TXNDC5: variants seen among roughly 807,000 people sequenced by gnomAD.
TXNDC5 encodes the protein thioredoxin domain containing 5.
A neutral mutation model predicts 52.6 loss-of-function variants in TXNDC5; 44 were observed. The ratio of observed to expected loss-of-function variants is 0.84; its 90% CI spans 0.66 to 1.08. The LOEUF (loss-of-function observed/expected upper bound fraction) is 1.08, where lower values mean the gene tolerates loss of function less well. TXNDC5 is among the 50% of genes least tolerant of loss of function. TXNDC5 has a pLI of 0.00. For missense variants in TXNDC5, 600 were observed against 565.5 expected, an observed-to-expected ratio of 1.06 and a Z score of -0.62; for synonymous variants, 241 against 234.4, an observed-to-expected ratio of 1.03 and a Z score of -0.26.
chr6:7,910,319 G>A (rs1428582043), intron 1 of TXNDC5, among the ~76,000 whole-genome samples, 195 bp downstream of exon 1: 1 of 144,150 alleles, frequency 6.9e-6, no homozygotes, highest in Admixed American at 6.9e-5. Flanking sequence ...CAGGGTCCCC[G>A]CGCTCCCGGC....
Position 7,884,445 on chromosome 6 carries a change from A to G in TXNDC5, c.1090T>C (p.Ser364Pro), listed in dbSNP as rs1458397581. The change falls in exon 9 of 10, where the codon TCT becomes CCT. Residue 364 changes from serine (S) to proline (P), a missense_variant. Ser to Pro is a moderately conservative substitution (Grantham distance 74, BLOSUM62 -1). Transcript: ENST00000379757. ...GCCAGACCAGGGAATTCCTTTTTAG[A>G]GAGTTCCTCCCAAGTAGGAGCCAGA... is the stretch of plus-strand genomic sequence containing the variant. ...KTLAPTWEELSKKEFPGLAGV... is the reference protein window; with the variant it reads ...KTLAPTWEELPKKEFPGLAGV... The G allele has an allele frequency of 6.2e-7, 1 of 1,614,148 alleles. No homozygotes were observed. The highest frequency in any genetic ancestry group is 1.3e-5 in the African/African-American group (1 of 75,042).
chr6:7,908,642 C>T (rs1287761479), intron 1 of TXNDC5, among the ~76,000 whole-genome samples: 1 of 151,976 alleles, frequency 6.6e-6, no homozygotes, highest in African/African-American at 2.4e-5. Flanking sequence ...GGCAACATAG[C>T]GAGACCCTGT....
At chr6:7,896,751 G>A (rs527449462) in intron 3 of TXNDC5, among the ~76,000 whole-genome samples, 2 of 152,352 alleles carry the variant, frequency 1.3e-5, no homozygotes, top group South Asian at 4.1e-4. Flanking sequence ...CTTTCAGTAT[G>A]AAGTGTTCAT....
rs1440211858 is a variant in TXNDC5 at position 7,906,547 on chromosome 6, AAAAAAAAAAAG to A, written c.264-1835_264-1825del. Among the ~76,000 whole-genome samples the A allele has an allele frequency of 8.0e-5, 12 of 150,266 alleles. 1 individual carries two copies. The highest frequency in any genetic ancestry group is 5.3e-4 in the Admixed American group (8 of 15,140). On this transcript the variant is annotated intron_variant, in intron 1 of 9. Transcript: ENST00000379757. ...CAAGACTCCATCTCAAAAAAAAAAA[AAAAAAAAAAAG>A]AAAAACAGACTTAAAGGTAGCACTG... is the stretch of plus-strand genomic sequence containing the variant.
intron 3 of TXNDC5, among the ~76,000 whole-genome samples, chr6:7,898,739 C>G (rs115680002): frequency 0.013 from 1,905 of 151,566 alleles, 33 homozygotes; most frequent in Non-Finnish European, 0.015. Flanking sequence ...GAAGGCACCA[C>G]CCACAAAGGA....
intron 7 of TXNDC5, 134 bp from the exon 8 acceptor site, chr6:7,886,177 T>A (rs900040416): frequency 8.7e-6 from 6 of 692,980 alleles, no homozygotes; most frequent in African/African-American, 1.8e-5. Context: ...CACACAGAAA[T>A]ACCTACACAA....
Position 7,886,011 on chromosome 6 carries a change from G to A in TXNDC5, c.996C>T (p.Phe332=), listed in dbSNP as rs1490334573. 4.3e-6 allele frequency: 7 copies of A among 1,614,018 alleles called. No homozygotes were observed. Among genetic ancestry groups the A allele is most frequent in the African/African-American group, 2.7e-5 (2 of 74,918 alleles). The change falls in exon 8 of 10, where the codon TTC becomes TTT. Residue 332 remains phenylalanine (F), a synonymous_variant. Transcript: ENST00000379757. ...GTVLALTENN[F]DDTIAEGITF... The stretch of plus-strand genomic sequence containing the variant: ...TTATTCCTTCTGCAATGGTGTCATC[G>A]AAGTTATTTTCAGTGAGTGCCAACA...
intron 1 of TXNDC5, among the ~76,000 whole-genome samples, chr6:7,910,298 C>T (rs1410872977): frequency 4.7e-5 from 7 of 150,372 alleles, no homozygotes; most frequent in Non-Finnish European, 8.9e-5. Context: ...CCAGCCGGAG[C>T]CCCGAACCCG....
intron 6 of TXNDC5, 98 bp from the exon 7 acceptor site, chr6:7,888,946 C>G: frequency 1.4e-6 from 2 of 1,464,890 alleles, no homozygotes; most frequent in Non-Finnish European, 1.8e-6. Flanking sequence ...TCAGAGCTCC[C>G]AGATGTCTTA....
intron 3 of TXNDC5, among the ~76,000 whole-genome samples, chr6:7,895,507 C>T (rs1760340755): frequency 6.6e-6 from 1 of 152,238 alleles, no homozygotes. Context: ...ACAAAGCAGA[C>T]AATGCAAAGG....
At chr6:7,901,719 T>C (rs974082144) in intron 2 of TXNDC5, among the ~76,000 whole-genome samples, 25 of 152,276 alleles carry the variant, frequency 1.6e-4, no homozygotes, top group Middle Eastern at 6.8e-3. Context: ...TTGCCCCAGA[T>C]TTCCGCTATT....
chr6:7,889,118 G>A, intron 6 of TXNDC5: 1 of 478,780 alleles, frequency 2.1e-6, no homozygotes. Context: ...CCGTTGTGCT[G>A]ATGGGGAACT....
At chr6:7,907,490 C>CA (rs1263105855) in intron 1 of TXNDC5, among the ~76,000 whole-genome samples, 1 of 152,126 alleles carries the variant, frequency 6.6e-6, no homozygotes, top group Non-Finnish European at 1.5e-5. Context: ...CTGATGTTGG[C>CA]AAAAAATCTA....
Position 7,905,198 on chromosome 6 carries a change from G to T in TXNDC5, c.264-475C>A, listed in dbSNP as rs967510357. ...TTTAGTTTGGGTGTCACTTCCTCTA[G>T]CAAGTTGGCCCTGACTCCCCGGGCT... On this transcript the variant is annotated intron_variant, in intron 1 of 9. Coordinates refer to ENST00000379757, the MANE Select transcript of TXNDC5 (RefSeq NM_030810.5). Among the ~76,000 whole-genome samples the T allele has an allele frequency of 3.3e-5, 5 of 152,134 alleles. No individual in the cohort carries two copies. In the East Asian group the frequency reaches 9.6e-4, roughly 29 times the overall value.
chr6:7,903,181 C>T (rs1368687947), intron 2 of TXNDC5, among the ~76,000 whole-genome samples: 1 of 152,214 alleles, frequency 6.6e-6, no homozygotes, highest in African/African-American at 2.4e-5. Flanking sequence ...ACCTCCTCGC[C>T]CTCATCTCTG....
chr6:7,899,717 G>T (rs893149051), intron 2 of TXNDC5, 36 bp from the exon 3 acceptor site: 1 of 1,573,348 alleles, frequency 6.4e-7, no homozygotes, highest in Non-Finnish European at 8.7e-7. Flanking sequence ...AGAGCAAAAA[G>T]AAAGTTGTCT....
In TXNDC5 at chr6:7,882,792, CACTCA is replaced by C. The variant is rs1759810911; in HGVS notation, c.*347_*351del. ...TGGATGTGCTTTCTTTCACCAAAATCACTCAACTCAGGAGCCACAAATAGTCCAGC... is the reference window on the plus strand; with the variant it reads ...TGGATGTGCTTTCTTTCACCAAAATCACTCAGGAGCCACAAATAGTCCAGC... On this transcript the variant is annotated 3_prime_UTR_variant, in exon 10 of 10. Transcript: ENST00000379757. The C allele has an allele frequency of 5.0e-6, 1 of 199,290 alleles. No individual in the cohort carries two copies. 12.3% of individuals were successfully genotyped at this position (199,290 alleles called of 1,614,324 possible). A position where few individuals can be genotyped will look rare whatever the true frequency, so the allele number is the denominator to read the frequency against.
intron 5 of TXNDC5, among the ~76,000 whole-genome samples, chr6:7,890,051 C>G (rs1038236310): frequency 6.6e-6 from 1 of 152,144 alleles, no homozygotes; most frequent in Non-Finnish European, 1.5e-5. Flanking sequence ...GAATTTTAAA[C>G]AGGAGTAGTT....
In TXNDC5 at chr6:7,883,219, G is replaced by A. The variant is rs142360289; in HGVS notation, c.1224C>T (p.Val408=). Residue 408 remains valine (V), a synonymous_variant, in exon 10 of 10, where the codon GTC becomes GTT. Transcript: ENST00000379757. ...TLLLFRGGKK[V]SEHSGGRDLD... The stretch of plus-strand genomic sequence containing the variant: ...GGTCTCTGCCTCCACTGTGCTCACT[G>A]ACTTTCTTCCCTCCTCGGAAAAGCA... 2 of 1,614,046 alleles carry A rather than the reference G, an allele frequency of 1.2e-6. No individual in the cohort carries two copies. Among genetic ancestry groups the A allele is most frequent in the Non-Finnish European group, 1.7e-6 (2 of 1,180,020 alleles).
Sources: allele counts gnomAD v4.1 joint callset (sites outside exome capture counted in the v4.1 genomes callset), GRCh38; gene constraint gnomAD v4.1.1; transcripts MANE v1.5; gene names NCBI Gene and HGNC (gene_info 2026-07-23, HGNC 2026-07-21).